Variants in ZNF804B observed in about 807,000 individuals in gnomAD.
ZNF804B encodes zinc finger protein 804B.
Under a neutral mutation model 101.4 loss-of-function variants are expected in ZNF804B, and 80 were observed. That is an observed-to-expected ratio of 0.79 (90% CI 0.66 to 0.95). ZNF804B has a LOEUF of 0.95. ZNF804B is among the 40% of genes least tolerant of loss of function. ZNF804B has a pLI of 0.00. For synonymous variants in ZNF804B, 622 were observed against 558.8 expected, an observed-to-expected ratio of 1.11 and a Z score of -1.59; for missense variants, 1,673 against 1,561.9, an observed-to-expected ratio of 1.07 and a Z score of -1.20.
chr7:89,069,530 A>G (rs1583968365), intron 1 of ZNF804B, among the ~76,000 whole-genome samples: 2 of 152,080 alleles, frequency 1.3e-5, no homozygotes, highest in South Asian at 2.1e-4. Context: ...CAATTTTGTA[A>G]TTATATCACA....
intron 1 of ZNF804B, among the ~76,000 whole-genome samples, chr7:89,102,529 G>C (rs901423499): frequency 2.6e-5 from 4 of 151,760 alleles, no homozygotes; most frequent in Non-Finnish European, 5.9e-5. Context: ...TTTTGAATGG[G>C]GTTGTTTGTT....
chr7:89,154,725 G>A (rs537521841), intron 1 of ZNF804B, among the ~76,000 whole-genome samples: 12 of 152,158 alleles, frequency 7.9e-5, no homozygotes, highest in South Asian at 2.1e-4. Flanking sequence ...GAGAGTAATG[G>A]GGGGCTGGGA....
At chr7:88,914,993 A>T (rs1413443213) in intron 1 of ZNF804B, among the ~76,000 whole-genome samples, 1 of 152,158 alleles carries the variant, frequency 6.6e-6, no homozygotes, top group Non-Finnish European at 1.5e-5. Context: ...TTTTTAAAAA[A>T]CTTAAGTAGA....
intron 2 of ZNF804B, among the ~76,000 whole-genome samples, chr7:89,300,983 C>T (rs1790463167): frequency 6.6e-6 from 1 of 151,154 alleles, no homozygotes; most frequent in Admixed American, 6.6e-5. Context: ...GGGATAAAAG[C>T]TACTAATATA....
intron 1 of ZNF804B, among the ~76,000 whole-genome samples, chr7:89,086,999 G>T (rs1488079430): frequency 1.3e-5 from 2 of 149,844 alleles, no homozygotes; most frequent in East Asian, 3.9e-4. Flanking sequence ...AAAAAAAATT[G>T]TAGTGCCAAA....
In ZNF804B at chr7:89,329,336, G is replaced by A. The variant is rs531308351; in HGVS notation, c.380+1862G>A. Among the ~76,000 whole-genome samples the A allele has an allele frequency of 2.0e-5, 3 of 151,790 alleles. No homozygotes were observed. The East Asian group carries it at 5.8e-4, about 29-fold the overall frequency. The stretch of plus-strand genomic sequence containing the variant: ...CTCTCTCTGCTTAAACAGACTCATG[G>A]TTGAAGGAAAGTCACTTAACAGAAT... On this transcript the variant is annotated intron_variant, in intron 3 of 3. Transcript: ENST00000333190.
At chr7:89,283,423 C>T (rs138081103) in intron 2 of ZNF804B, among the ~76,000 whole-genome samples, 1 of 152,036 alleles carries the variant, frequency 6.6e-6, no homozygotes. Flanking sequence ...GTATTAGAGC[C>T]CATTAACACT....
At chr7:89,167,888 C>T (rs1286341472) in intron 1 of ZNF804B, among the ~76,000 whole-genome samples, 1 of 151,786 alleles carries the variant, frequency 6.6e-6, no homozygotes, top group Non-Finnish European at 1.5e-5. Context: ...CTAAAGAAAC[C>T]ACAAAATAAG....
intron 1 of ZNF804B, among the ~76,000 whole-genome samples, chr7:89,015,263 T>C (rs1183885684): frequency 6.6e-6 from 1 of 152,192 alleles, no homozygotes; most frequent in Admixed American, 6.5e-5. Context: ...GGTAGTATAT[T>C]TTGAAATCTG....
chr7:89,159,674 C>T (rs1310004567), intron 1 of ZNF804B, among the ~76,000 whole-genome samples: 1 of 152,066 alleles, frequency 6.6e-6, no homozygotes, highest in Non-Finnish European at 1.5e-5. Flanking sequence ...CAATATTTAA[C>T]ACATTAAATC....
chr7:89,276,145 A>C (rs1404083331), intron 2 of ZNF804B, among the ~76,000 whole-genome samples: 2 of 151,804 alleles, frequency 1.3e-5, no homozygotes, highest in African/African-American at 4.9e-5. Flanking sequence ...AGGGAGAGAA[A>C]ATAACACACA....
At chr7:89,298,209 T>TA (rs1790415165) in intron 2 of ZNF804B, among the ~76,000 whole-genome samples, 2 of 73,704 alleles carry the variant, frequency 2.7e-5, no homozygotes, top group African/African-American at 1.4e-4. Context: ...ATAGTGTGTG[T>TA]GTGTGTGTAT....
chr7:89,002,518 G>A (rs1410665751), intron 1 of ZNF804B, among the ~76,000 whole-genome samples: 1 of 151,804 alleles, frequency 6.6e-6, no homozygotes, highest in East Asian at 1.9e-4. Flanking sequence ...TAAATAGATA[G>A]CAATTTTCAT....
At chr7:89,325,454 TG>T (rs1671198352) in intron 2 of ZNF804B, among the ~76,000 whole-genome samples, 1 of 152,016 alleles carries the variant, frequency 6.6e-6, no homozygotes. Flanking sequence ...AAAAAAAAAT[TG>T]ATTTGTTGAT....
intron 1 of ZNF804B, among the ~76,000 whole-genome samples, chr7:89,172,337 C>A (rs1422239462): frequency 6.6e-6 from 1 of 152,128 alleles, no homozygotes; most frequent in African/African-American, 2.4e-5. Context: ...GAGAAAATGA[C>A]AGCAGTTAGT....
chr7:89,212,064 C>T (rs1464866849), intron 1 of ZNF804B, among the ~76,000 whole-genome samples: 2 of 152,024 alleles, frequency 1.3e-5, no homozygotes, highest in African/African-American at 4.8e-5. Context: ...CCTCACTTCC[C>T]TTGTTAGCTG....
chr7:88,803,461 G>C (rs74363284), intron 1 of ZNF804B, among the ~76,000 whole-genome samples: 1 of 152,132 alleles, frequency 6.6e-6, no homozygotes, highest in African/African-American at 2.4e-5. Context: ...AGTCTTTAAA[G>C]AATTTGCACC....
chr7:89,132,169 T>TACACACAC (rs59188340), intron 1 of ZNF804B, among the ~76,000 whole-genome samples: 2,133 of 131,370 alleles, frequency 0.016, 30 homozygotes, highest in Non-Finnish European at 0.024. Context: ...CACGCACACA[T>TACACACAC]ACACACACAC....
At chr7:88,764,157 G>A (rs2718306) in intron 1 of ZNF804B, among the ~76,000 whole-genome samples, 54,352 of 151,880 alleles carry the variant, frequency 0.36, 11,518 homozygotes, top group African/African-American at 0.6. Context: ...GTTTATATTC[G>A]AATGTAGTGC....
Sources: gnomAD v4.1 joint callset for allele counts (sites outside exome capture counted in the v4.1 genomes callset) on GRCh38, gnomAD v4.1.1 for gene constraint, MANE v1.5 for transcripts, NCBI Gene and HGNC (gene_info 2026-07-23, HGNC 2026-07-21) for gene names.